Variants in COL4A5 observed in about 807,000 individuals in gnomAD.
COL4A5 encodes the protein collagen type IV alpha 5 chain, also known as collagen alpha-5(IV) chain.
COL4A5 carries 26 observed loss-of-function variants against 130.2 expected under a neutral mutation model. The ratio of observed to expected loss-of-function variants is 0.20; its 90% CI spans 0.15 to 0.28. The LOEUF is 0.28. COL4A5 is among the 10% of genes least tolerant of loss of function. The pLI is 1.00. For missense variants in COL4A5, 1,131 were observed against 1,344.3 expected (o/e 0.84, Z 2.48); for synonymous variants, 496 against 439.6 (o/e 1.13, Z -1.60).
At chrX:108,619,002 GAGCTATAAT>G (rs2066985846) in intron 30 of COL4A5, among the ~76,000 whole-genome samples, 1 of 110,912 alleles carries the variant, frequency 9.0e-6, no homozygotes, top group Non-Finnish European at 1.9e-5. Flanking sequence ...AAATCTTTGT[GAGCTATAAT>G]ATAACAATAG....
chrX:108,466,121 C>A (rs1225324199), intron 1 of COL4A5, among the ~76,000 whole-genome samples: 2 of 111,146 alleles, frequency 1.8e-5, no homozygotes, highest in Non-Finnish European at 3.8e-5. Flanking sequence ...TATGGATATA[C>A]CACATTTTGC....
intron 36 of COL4A5, among the ~76,000 whole-genome samples, chrX:108,643,141 G>A (rs1369267247): frequency 2.7e-5 from 3 of 111,718 alleles, no homozygotes; most frequent in Non-Finnish European, 5.6e-5. Flanking sequence ...CAATAGAATT[G>A]AACAAGTAGA....
At chrX:108,565,049 A>G (rs925906735) in intron 4 of COL4A5, among the ~76,000 whole-genome samples, 4 of 111,539 alleles carry the variant, frequency 3.6e-5, no homozygotes, top group Non-Finnish European at 7.5e-5. Flanking sequence ...ATAATTTTTA[A>G]TATCCCTATA....
At chrX:108,489,151 A>G (rs1191791411) in intron 1 of COL4A5, among the ~76,000 whole-genome samples, 1 of 111,864 alleles carries the variant, frequency 8.9e-6, no homozygotes, top group Non-Finnish European at 1.9e-5. Flanking sequence ...TACATTTGCA[A>G]TATGTATTTG....
At chrX:108,587,817 T>G (rs762058244) in intron 19 of COL4A5, among the ~76,000 whole-genome samples, 4 of 111,199 alleles carry the variant, frequency 3.6e-5, no homozygotes, top group Non-Finnish European at 7.6e-5. Context: ...CCATATTAAC[T>G]GGGGTATATT....
At chrX:108,592,731 T>C (rs2066456461) in intron 21 of COL4A5, among the ~76,000 whole-genome samples, 1 of 109,503 alleles carries the variant, frequency 9.1e-6, no homozygotes, top group African/African-American at 3.3e-5. Flanking sequence ...ATTTCCTGTT[T>C]TTTTTTTTTC....
At chrX:108,453,295 AT>A (rs960312320) in intron 1 of COL4A5, among the ~76,000 whole-genome samples, 1 of 111,783 alleles carries the variant, frequency 8.9e-6, no homozygotes, top group African/African-American at 3.2e-5. Flanking sequence ...CTATATAACT[AT>A]TGGAAACCAG....
Position 108,666,394 on chromosome X carries a change from A to G in COL4A5, c.3455-102A>G, listed in dbSNP as rs1603310332. The G allele has an allele frequency of 8.3e-6, 5 of 599,394 alleles. No homozygotes were observed. In the East Asian group the frequency reaches 1.4e-4, roughly 17 times the overall value. The allele number at this position is 599,394 out of a possible 1,213,427, so 49.4% of individuals were successfully genotyped here. ...ATTTTGTGATCCAAAGGAGTGTCTCAAAAGCACCTTGTTTCTTTTGGATAA... is the reference window on the plus strand; with the variant it reads ...ATTTTGTGATCCAAAGGAGTGTCTCGAAAGCACCTTGTTTCTTTTGGATAA... On this transcript the variant is annotated intron_variant, in intron 38 of 52. Transcript: ENST00000328300.
chrX:108,674,566 A>G (rs1292813594), intron 42 of COL4A5, 179 bp from the exon 43 acceptor site: 3 of 449,960 alleles, frequency 6.7e-6, no homozygotes, highest in Non-Finnish European at 1.1e-5. Context: ...ATACTTCTGT[A>G]TGGTTCTGTT....
intron 1 of COL4A5, among the ~76,000 whole-genome samples, chrX:108,509,712 G>A (rs896736677): frequency 1.8e-5 from 2 of 112,119 alleles, no homozygotes; most frequent in African/African-American, 3.2e-5. Flanking sequence ...TGGTGGGTCT[G>A]TAAAGTAGTT....
intron 1 of COL4A5, among the ~76,000 whole-genome samples, chrX:108,501,542 A>G (rs752231710): frequency 2.0e-4 from 22 of 111,916 alleles, no homozygotes; most frequent in East Asian, 5.6e-4. Flanking sequence ...CTGAACAGCT[A>G]TTATCTCCTT....
chrX:108,477,536 G>C (rs1488929049), intron 1 of COL4A5, among the ~76,000 whole-genome samples: 2 of 111,318 alleles, frequency 1.8e-5, no homozygotes, highest in Middle Eastern at 4.3e-3. Flanking sequence ...AGGAAAGGCC[G>C]GGCGCGGTGG....
intron 1 of COL4A5, among the ~76,000 whole-genome samples, chrX:108,482,360 C>T (rs1235549887): frequency 1.8e-5 from 2 of 111,370 alleles, no homozygotes; most frequent in Non-Finnish European, 3.8e-5. Context: ...TGAAGAGAAT[C>T]AACATTATCT....
chrX:108,474,157 A>G (rs1290976884), intron 1 of COL4A5, among the ~76,000 whole-genome samples: 1 of 111,619 alleles, frequency 9.0e-6, no homozygotes, highest in Non-Finnish European at 1.9e-5. Context: ...CTAGTTCTTC[A>G]TGTTCACATA....
chrX:108,520,357 ATG>A (rs2065254006), intron 1 of COL4A5, among the ~76,000 whole-genome samples: 1 of 111,618 alleles, frequency 9.0e-6, no homozygotes, highest in Admixed American at 9.6e-5. Context: ...CCTGATATAA[ATG>A]TGTGTCTTTC....
At chrX:108,525,949 A>G (rs1470616373) in intron 1 of COL4A5, among the ~76,000 whole-genome samples, 2 of 111,292 alleles carry the variant, frequency 1.8e-5, no homozygotes, top group Non-Finnish European at 3.8e-5. Flanking sequence ...CAGATCAAAT[A>G]CTCCTGGGCT....
In COL4A5 at chrX:108,625,755, C is replaced by G; in HGVS notation, c.3067C>G (p.Pro1023Ala). Residue 1023 changes from proline to alanine, a missense_variant, in exon 35 of 53, where the codon CCT becomes GCT. Transcript: ENST00000328300. ...TGGACAGCCAGGTCTTATAGGACCT[C>G]CTGGACTTAAAGGAACCATCGGTGA... ...LPGQPGLIGP[P>A]GLKGTIGDMG... 1 of 1,208,917 alleles carries G rather than the reference C, an allele frequency of 8.3e-7. No individual in the cohort carries two copies. Among genetic ancestry groups the G allele is most frequent in the Non-Finnish European group, 1.1e-6 (1 of 893,064 alleles).
intron 1 of COL4A5, among the ~76,000 whole-genome samples, chrX:108,529,626 A>G (rs2065359505): frequency 9.0e-6 from 1 of 111,724 alleles, no homozygotes; most frequent in African/African-American, 3.2e-5. Flanking sequence ...AATTTTTAAA[A>G]AAACATGATG....
chrX:108,571,317 G>C, intron 6 of COL4A5, 96 bp from the exon 7 acceptor site: 1 of 665,339 alleles, frequency 1.5e-6, no homozygotes, highest in Admixed American at 2.3e-5. Context: ...TTTCAAAATG[G>C]CTTTTATAGA....
Sources: gnomAD v4.1 joint callset for allele counts (sites outside exome capture counted in the v4.1 genomes callset) on GRCh38, gnomAD v4.1.1 for gene constraint, MANE v1.5 for transcripts, NCBI Gene and HGNC (gene_info 2026-07-23, HGNC 2026-07-21) for gene names.